The following DNAH9 variants were observed in gnomAD, a reference collection of about 807,000 sequenced individuals.
DNAH9 encodes DNAH9 variant protein.
Under a neutral mutation model 471.6 loss-of-function variants are expected in DNAH9, and 345 were observed. The ratio of observed to expected loss-of-function variants is 0.73; its 90% CI spans 0.67 to 0.80. The LOEUF (loss-of-function observed/expected upper bound fraction) is 0.80. DNAH9 is among the 30% of genes least tolerant of loss of function. The pLI is 0.00. For missense variants in DNAH9, 5,407 were observed against 5,609.2 expected (o/e 0.96, Z 1.15); for synonymous variants, 2,093 against 2,123.6 (o/e 0.99, Z 0.40).
At position 11,652,932 on chromosome 17, in the gene DNAH9, G is replaced by A. The variant is rs556781332; in HGVS notation, c.2525G>A (p.Arg842Gln). Residue 842 changes from arginine (R) to glutamine (Q), a missense_variant, in exon 14 of 69, where the codon CGG (arginine) becomes CAG (glutamine). Physicochemically the swap from Arg to Gln is conservative, Grantham distance 43. This residue lies in a region of DNAH9 where 4,636 missense variants were observed against 4,900.3 expected (regional missense o/e 0.95). Coordinates refer to ENST00000262442, the MANE Select transcript of DNAH9 (RefSeq NM_001372.4). ...GAATCCCTTCTTTCTCTGGATGATC[G>A]GCATGATCGAATGGAAAAATATTAC... is the stretch of plus-strand genomic sequence containing the variant. Reference protein sequence around the residue: ...KRESLLSLDDRHDRMEKYYNL... With the variant: ...KRESLLSLDDQHDRMEKYYNL... 3.0e-5 allele frequency: 49 copies of A among 1,613,814 alleles called. No individual in the cohort carries two copies. In the Middle Eastern group the frequency reaches 1.5e-3, roughly 49 times the overall value.
intron 7 of DNAH9, among the ~76,000 whole-genome samples, chr17:11,631,323 G>T (rs942020315): frequency 6.6e-6 from 1 of 152,118 alleles, no homozygotes; most frequent in Non-Finnish European, 1.5e-5. Flanking sequence ...AGAAATTAGG[G>T]CAGGAATCTG....
chr17:11,717,356 G>A (rs1189134183), intron 26 of DNAH9, among the ~76,000 whole-genome samples: 1 of 149,136 alleles, frequency 6.7e-6, no homozygotes, highest in African/African-American at 2.5e-5. Flanking sequence ...AACATAGTGA[G>A]ACCCCGTCTC....
intron 26 of DNAH9, among the ~76,000 whole-genome samples, chr17:11,706,723 T>G (rs945441589): frequency 2.6e-5 from 4 of 152,222 alleles, no homozygotes; most frequent in African/African-American, 9.6e-5. Flanking sequence ...TAGAAATCTG[T>G]TCACACGTAA....
At chr17:11,775,261 C>T (rs1188106782) in intron 38 of DNAH9, among the ~76,000 whole-genome samples, 1 of 152,056 alleles carries the variant, frequency 6.6e-6, no homozygotes, top group Non-Finnish European at 1.5e-5. Context: ...AAATGATTCC[C>T]AGCATACAAT....
intron 28 of DNAH9, among the ~76,000 whole-genome samples, chr17:11,733,258 G>C (rs1052856344): frequency 6.6e-6 from 1 of 152,172 alleles, no homozygotes; most frequent in Non-Finnish European, 1.5e-5. Context: ...CAAGGTAGAG[G>C]GGTGACGAGA....
intron 22 of DNAH9, among the ~76,000 whole-genome samples, chr17:11,697,714 G>A (rs567524665): frequency 6.6e-6 from 1 of 151,784 alleles, no homozygotes; most frequent in South Asian, 2.1e-4. Context: ...CTCTTTCATC[G>A]TATTTTTATC....
chr17:11,781,088 T>A lies in DNAH9; in HGVS notation c.7632T>A (p.Ile2544=), dbSNP rs745918733. Reference sequence around the variant, plus strand: ...GGAACAAGAAACTCATCTATTTCATTGATGACATGAACATGCCTGAGGTGG... The same window carrying A: ...GGAACAAGAAACTCATCTATTTCATAGATGACATGAACATGCCTGAGGTGG... ...PPGNKKLIYF[I]DDMNMPEVDA... is the part of the protein sequence containing the mutation. The change falls in exon 39 of 69, where the codon ATT becomes ATA. Residue 2544 remains isoleucine, a synonymous_variant. Transcript: ENST00000262442. 13 of 1,614,062 alleles carry A rather than the reference T, an allele frequency of 8.1e-6. No individual in the cohort carries two copies. In the South Asian group the frequency reaches 1.3e-4, roughly 16 times the overall value.
Position 11,756,645 on chromosome 17 carries a change from C to T in DNAH9, c.6816C>T (p.Arg2272=). 1 of 1,612,834 alleles carries T rather than the reference C, an allele frequency of 6.2e-7. No homozygotes were observed. Among genetic ancestry groups the T allele is most frequent in the Non-Finnish European group, 8.5e-7 (1 of 1,178,874 alleles). ...TCCTCTTTGAGATCAGCCACCTGCGCACAGCCACTCCAGCAACTGTCTCTA... is the reference window on the plus strand; with the variant it reads ...TCCTCTTTGAGATCAGCCACCTGCGTACAGCCACTCCAGCAACTGTCTCTA... ...MKLLFEISHL[R]TATPATVSRA... is the part of the protein sequence containing the mutation. The change falls in exon 34 of 69, where the codon CGC becomes CGT. Residue 2272 remains arginine, a synonymous_variant. Coordinates refer to ENST00000262442, the MANE Select transcript of DNAH9 (RefSeq NM_001372.4).
intron 5 of DNAH9, among the ~76,000 whole-genome samples, chr17:11,618,370 G>A (rs1432002310): frequency 1.3e-5 from 2 of 151,930 alleles, no homozygotes; most frequent in African/African-American, 4.8e-5. Context: ...GGCAGATCAC[G>A]AGGTCAAGAG....
intron 36 of DNAH9, among the ~76,000 whole-genome samples, chr17:11,767,699 A>AGTGT (rs56351131): frequency 9.9e-5 from 15 of 150,934 alleles, no homozygotes; most frequent in South Asian, 4.2e-4. Context: ...TTTGGGTCTG[A>AGTGT]GTGTGTGTGT....
At chr17:11,884,527 A>C (rs1972823297) in intron 56 of DNAH9, 1 of 455,830 alleles carries the variant, frequency 2.2e-6, no homozygotes, top group Non-Finnish European at 4.4e-6. Context: ...GAAGATGCTT[A>C]TTGCCAGATT....
At chr17:11,644,774 T>G in intron 11 of DNAH9, 75 bp downstream of exon 11, 1 of 1,018,100 alleles carries the variant, frequency 9.8e-7, no homozygotes, top group South Asian at 1.4e-5. Flanking sequence ...TCCGAGTTTG[T>G]GCAGATTCCT....
chr17:11,823,551 G>A (rs1970387779), intron 48 of DNAH9, among the ~76,000 whole-genome samples: 1 of 152,242 alleles, frequency 6.6e-6, no homozygotes, highest in African/African-American at 2.4e-5. Context: ...AGAGCCATTG[G>A]AACCTCAATT....
intron 44 of DNAH9, 136 bp from the exon 45 acceptor site, chr17:11,810,110 C>T: frequency 9.1e-7 from 1 of 1,095,130 alleles, no homozygotes; most frequent in South Asian, 1.7e-5. Context: ...AGCCCTCCCC[C>T]AGCTTCCCAT....
At chr17:11,640,231 C>T (rs1309333130) in intron 9 of DNAH9, 39 bp from the exon 10 acceptor site, 3 of 1,308,738 alleles carry the variant, frequency 2.3e-6, no homozygotes, top group Non-Finnish European at 3.3e-6. Context: ...GACTGAGGTG[C>T]TCTAGACTCA....
chr17:11,646,148 G>A (rs996897786), intron 11 of DNAH9, among the ~76,000 whole-genome samples: 13 of 151,750 alleles, frequency 8.6e-5, no homozygotes, highest in Admixed American at 3.3e-4. Context: ...TAAAGTGCTG[G>A]GATTACAGGT....
intron 19 of DNAH9, among the ~76,000 whole-genome samples, chr17:11,684,774 C>T (rs144260552): frequency 1.4e-4 from 21 of 152,318 alleles, no homozygotes; most frequent in African/African-American, 4.8e-4. Flanking sequence ...TACATGACAA[C>T]TAGAGAAAAC....
In DNAH9 at chr17:11,610,418, G is replaced by A. The variant is rs1338191416; in HGVS notation, c.637G>A (p.Val213Ile). 1.2e-6 allele frequency: 2 copies of A among 1,613,348 alleles called. No homozygotes were observed. Among genetic ancestry groups the A allele is most frequent in the East Asian group, 2.2e-5 (1 of 44,856 alleles). The change falls in exon 3 of 69, where the codon GTC becomes ATC. Residue 213 changes from valine (V) to isoleucine (I), a missense_variant. Physicochemically the swap from Val to Ile is conservative, Grantham distance 29. Coordinates refer to ENST00000262442, the MANE Select transcript of DNAH9 (RefSeq NM_001372.4). ...ETVLDSIDKS[V>I]IYAIESAVIK... ...CAGCTTGGATTCTATAGATAAGTCA[G>A]TCATCTATGCCATTGAGTCTGCAGT...
intron 53 of DNAH9, among the ~76,000 whole-genome samples, chr17:11,878,906 T>G (rs1972612035): frequency 6.6e-6 from 1 of 152,152 alleles, no homozygotes; most frequent in South Asian, 2.1e-4. Context: ...TACATGGAAA[T>G]CCAATCAATT....
Sources: gnomAD v4.1 joint callset for allele counts (sites outside exome capture counted in the v4.1 genomes callset) on GRCh38, gnomAD v4.1.1 for gene constraint, gnomAD v4.1.1 regional missense constraint, MANE v1.5 for transcripts, NCBI Gene and HGNC (gene_info 2026-07-23, HGNC 2026-07-21) for gene names.